The following PDE4D variants were observed in gnomAD, a reference collection of about 807,000 sequenced individuals.
PDE4D encodes the protein phosphodiesterase 4D, also known as 3',5'-cyclic-AMP phosphodiesterase 4D.
PDE4D carries 24 observed loss-of-function variants against 87.4 expected under a neutral mutation model. The ratio of observed to expected loss-of-function variants is 0.27; its 90% CI spans 0.20 to 0.39. PDE4D has a LOEUF of 0.39. Ranked by LOEUF, PDE4D falls within the 10% of genes least tolerant of loss-of-function variation. The probability of loss-of-function intolerance (pLI) is 1.00; values close to 1 mark genes in which losing one functional copy is unlikely to be tolerated. For synonymous variants in PDE4D, 384 were observed against 383.2 expected (o/e 1.00, Z -0.02); for missense variants, 714 against 1,041.0 (o/e 0.69, Z 4.32).
intron 1 of PDE4D, among the ~76,000 whole-genome samples, chr5:59,463,697 C>T (rs1158764106): frequency 1.3e-5 from 2 of 152,168 alleles, no homozygotes; most frequent in Non-Finnish European, 2.9e-5. Context: ...CAAATTAGCA[C>T]CTGTACTTGG....
chr5:60,245,931 A>G (rs1369272752), intron 1 of PDE4D, among the ~76,000 whole-genome samples: 1 of 151,956 alleles, frequency 6.6e-6, no homozygotes, highest in African/African-American at 2.4e-5. Context: ...AAAGAGTATA[A>G]TTGGATTGTT....
chr5:59,387,779 T>G (rs1445892128), intron 1 of PDE4D, among the ~76,000 whole-genome samples: 1 of 152,160 alleles, frequency 6.6e-6, no homozygotes, highest in African/African-American at 2.4e-5. Flanking sequence ...CCTCACAAAC[T>G]TATCTTTTTT....
At chr5:59,566,578 GTGT>G (rs1174171273) in intron 1 of PDE4D, among the ~76,000 whole-genome samples, 2 of 150,806 alleles carry the variant, frequency 1.3e-5, no homozygotes, top group Non-Finnish European at 3.0e-5. Context: ...GTGTGTGTGT[GTGT>G]GTGAGAGAAT....
chr5:60,232,332 A>C (rs1266487266), intron 1 of PDE4D, among the ~76,000 whole-genome samples: 2 of 151,928 alleles, frequency 1.3e-5, no homozygotes, highest in Non-Finnish European at 2.9e-5. Flanking sequence ...ACAGGGGTGC[A>C]AGTAGGTTAT....
At position 59,146,094 on chromosome 5, in the gene PDE4D, T is replaced by C. The variant is rs573158612; in HGVS notation, c.808+34501A>G. Among the ~76,000 whole-genome samples the C allele has an allele frequency of 4.6e-5, 7 of 152,302 alleles. No individual in the cohort carries two copies. The South Asian group carries it at 1.4e-3, about 32-fold the overall frequency. On this transcript the variant is annotated intron_variant, in intron 5 of 14. Coordinates refer to ENST00000340635, the MANE Select transcript of PDE4D (RefSeq NM_001104631.2). ...GTGAGCTGAGATCCTGCCACTGCAC[T>C]CCAGCCTGGGTGACAGAGCAAGATT...
At chr5:59,297,797 A>G (rs150092324) in intron 1 of PDE4D, among the ~76,000 whole-genome samples, 25 of 152,316 alleles carry the variant, frequency 1.6e-4, no homozygotes, top group Admixed American at 1.6e-3. Flanking sequence ...GAATGTTTCC[A>G]GGAGAGGGGA....
At chr5:59,789,307 G>A (rs1765521125) in intron 1 of PDE4D, among the ~76,000 whole-genome samples, 1 of 152,192 alleles carries the variant, frequency 6.6e-6, no homozygotes, top group Non-Finnish European at 1.5e-5. Context: ...ATAAAGGCTG[G>A]TTTCTAAAAG....
chr5:60,233,087 C>T (rs1412502612), intron 1 of PDE4D, among the ~76,000 whole-genome samples: 1 of 151,434 alleles, frequency 6.6e-6, no homozygotes, highest in Non-Finnish European at 1.5e-5. Flanking sequence ...AAAGTGAAAT[C>T]TCATGGGAAT....
At chr5:59,185,950 T>C (rs1192114825) in intron 3 of PDE4D, among the ~76,000 whole-genome samples, 1 of 152,140 alleles carries the variant, frequency 6.6e-6, no homozygotes, top group Non-Finnish European at 1.5e-5. Flanking sequence ...GCAGGACCAA[T>C]AGGTGTCACT....
chr5:60,231,404 G>C (rs73759028), intron 1 of PDE4D, among the ~76,000 whole-genome samples: 4 of 151,882 alleles, frequency 2.6e-5, no homozygotes, highest in African/African-American at 4.8e-5. Flanking sequence ...TTGGTGACAG[G>C]GTTGTAGGAG....
At chr5:59,677,669 A>G (rs1386338520) in intron 1 of PDE4D, among the ~76,000 whole-genome samples, 1 of 152,242 alleles carries the variant, frequency 6.6e-6, no homozygotes, top group Non-Finnish European at 1.5e-5. Flanking sequence ...ACTTGGTAAC[A>G]GCAGGATGTG....
At chr5:59,669,066 T>C (rs751313696) in intron 1 of PDE4D, among the ~76,000 whole-genome samples, 168 of 152,184 alleles carry the variant, frequency 1.1e-3, no homozygotes, top group Non-Finnish European at 2.0e-3. Flanking sequence ...TAAAAGGCTT[T>C]GGTTGTAATA....
intron 5 of PDE4D, among the ~76,000 whole-genome samples, chr5:59,156,220 C>T (rs539300000): frequency 5.3e-5 from 8 of 150,406 alleles, no homozygotes; most frequent in South Asian, 2.1e-4. Flanking sequence ...GCAAGAGATT[C>T]GAGAGAGACT....
intron 1 of PDE4D, among the ~76,000 whole-genome samples, chr5:59,693,857 A>C (rs1159446524): frequency 2.6e-5 from 4 of 152,218 alleles, no homozygotes; most frequent in Non-Finnish European, 4.4e-5. Context: ...AGCTCGGAGT[A>C]GTCTATGGAT....
intron 1 of PDE4D, among the ~76,000 whole-genome samples, chr5:59,518,093 T>G (rs769478760): frequency 6.6e-6 from 1 of 152,208 alleles, no homozygotes; most frequent in Non-Finnish European, 1.5e-5. Flanking sequence ...GCATTCCAAT[T>G]GGATGTGCTG....
chr5:58,985,365 C>T (rs1746160216), intron 11 of PDE4D, among the ~76,000 whole-genome samples: 1 of 152,184 alleles, frequency 6.6e-6, no homozygotes, highest in Non-Finnish European at 1.5e-5. Flanking sequence ...GTTCTCTCTG[C>T]TTGCAGAACC....
At chr5:59,248,938 A>C (rs1473527232) in intron 1 of PDE4D, among the ~76,000 whole-genome samples, 1 of 152,278 alleles carries the variant, frequency 6.6e-6, no homozygotes, top group East Asian at 1.9e-4. Context: ...TCTACTCTTA[A>C]GATAAAAGCC....
intron 3 of PDE4D, among the ~76,000 whole-genome samples, chr5:59,189,449 C>T (rs900936026): frequency 5.3e-5 from 8 of 151,972 alleles, no homozygotes; most frequent in Admixed American, 4.6e-4. Flanking sequence ...TTGGGTTTTC[C>T]TGTTTTCTCT....
chr5:59,039,440 G>A (rs1233395564), intron 5 of PDE4D: 2 of 992,868 alleles, frequency 2.0e-6, no homozygotes, highest in Non-Finnish European at 2.4e-6. Flanking sequence ...CCCCACGCCC[G>A]CCCCGCCTGC....
Sources: allele counts gnomAD v4.1 joint callset (sites outside exome capture counted in the v4.1 genomes callset), GRCh38; gene constraint gnomAD v4.1.1; transcripts MANE v1.5; gene names NCBI Gene and HGNC (gene_info 2026-07-23, HGNC 2026-07-21).